SLC2A13: variants seen among roughly 807,000 people sequenced by gnomAD.
The protein encoded by SLC2A13 is solute carrier family 2 member 13.
A neutral mutation model predicts 64.4 loss-of-function variants in SLC2A13; 32 were observed. That is an observed-to-expected ratio of 0.50 (90% CI 0.37 to 0.67). The LOEUF (loss-of-function observed/expected upper bound fraction) is 0.67, where lower values mean the gene tolerates loss of function less well. Ranked by LOEUF, SLC2A13 falls within the 30% of genes least tolerant of loss-of-function variation. The pLI is 0.00. For synonymous variants in SLC2A13, 338 were observed against 327.1 expected (o/e 1.03, Z -0.36); for missense variants, 743 against 829.2 (o/e 0.90, Z 1.28).
intron 1 of SLC2A13, among the ~76,000 whole-genome samples, chr12:40,082,854 C>G (rs1938458358): frequency 6.6e-6 from 1 of 152,186 alleles, no homozygotes; most frequent in South Asian, 2.1e-4. Context: ...GCCCATTCCC[C>G]AGGAGCTGCT....
At position 40,033,157 on chromosome 12, in the gene SLC2A13, T is replaced by C. The variant is rs1050886083; in HGVS notation, c.717-4648A>G. On this transcript the variant is annotated intron_variant, in intron 2 of 9. Transcript: ENST00000280871. ...AGCAATGAGGCACAAAGAAGATACA[T>C]GGTTAGTATGCAACAGAACTACAGT... Among the ~76,000 whole-genome samples the C allele has an allele frequency of 6.6e-5, 10 of 152,312 alleles. No homozygotes were observed. The East Asian group carries it at 1.9e-3, about 29-fold the overall frequency.
Position 39,794,736 on chromosome 12 carries a change from G to A in SLC2A13, c.1446-29878C>T, listed in dbSNP as rs147406254. Reference sequence around the variant, plus strand: ...TGGCTGTGAACATATTCTGGTTCTGGGGGCTGCCTGATTTGCGAATCATTC... The same window carrying A: ...TGGCTGTGAACATATTCTGGTTCTGAGGGCTGCCTGATTTGCGAATCATTC... On this transcript the variant is annotated intron_variant, in intron 7 of 9. Transcript: ENST00000280871. Among the ~76,000 whole-genome samples the A allele has an allele frequency of 3.6e-3, 541 of 152,212 alleles. 1 individual carries two copies. Among genetic ancestry groups the A allele is most frequent in the African/African-American group, 0.013 (521 of 41,540 alleles).
chr12:39,900,212 T>A (rs1465007332), intron 4 of SLC2A13, among the ~76,000 whole-genome samples: 1 of 152,126 alleles, frequency 6.6e-6, no homozygotes, highest in Non-Finnish European at 1.5e-5. Flanking sequence ...GAGCTATCTA[T>A]GACAACCCCA....
At chr12:40,037,145 G>C (rs1334603591) in intron 2 of SLC2A13, among the ~76,000 whole-genome samples, 1 of 151,962 alleles carries the variant, frequency 6.6e-6, no homozygotes, top group Non-Finnish European at 1.5e-5. Context: ...TTTTGTTAAG[G>C]ATACCTTTTG....
At chr12:39,858,501 T>TTA (rs1159151511) in intron 6 of SLC2A13, among the ~76,000 whole-genome samples, 15 of 152,210 alleles carry the variant, frequency 9.9e-5, no homozygotes, top group Non-Finnish European at 1.9e-4. Context: ...CAGCATAATA[T>TTA]TATATTCACT....
At chr12:39,928,529 A>C (rs1005844531) in intron 4 of SLC2A13, among the ~76,000 whole-genome samples, 44 of 152,214 alleles carry the variant, frequency 2.9e-4, no homozygotes, top group Non-Finnish European at 7.3e-5. Context: ...AAGGATATTA[A>C]ATGCGTAACT....
intron 6 of SLC2A13, among the ~76,000 whole-genome samples, chr12:39,863,345 C>T (rs7310416): frequency 0.99 from 150,227 of 152,254 alleles, 74,138 homozygotes; most frequent in Middle Eastern, 1. Context: ...ATGTAAATCA[C>T]TAAAAACTTA....
chr12:40,105,465 A>T lies in SLC2A13; in HGVS notation c.344T>A (p.Leu115Gln). 1.3e-6 allele frequency: 2 copies of T among 1,563,210 alleles called. No individual in the cohort carries two copies. Among genetic ancestry groups the T allele is most frequent in the Non-Finnish European group, 1.7e-6 (2 of 1,154,504 alleles). ...CAGCAGCTCCTGCCACAGCGCGTCCAGACTGAGCTGCCGCTTGAGCAGCAG... is the reference window on the plus strand; with the variant it reads ...CAGCAGCTCCTGCCACAGCGCGTCCTGACTGAGCTGCCGCTTGAGCAGCAG... ...AMLLLKRQLS[L>Q]DALWQELLVS... The change falls in exon 1 of 10, where the codon CTG becomes CAG. Residue 115 changes from leucine (L) to glutamine (Q), a missense_variant. Coordinates refer to ENST00000280871, the MANE Select transcript of SLC2A13 (RefSeq NM_052885.4). The surrounding 1 kb of genome is among the most constrained non-coding windows in gnomAD (Gnocchi z 4.2).
At chr12:40,102,563 G>T (rs894056497) in intron 1 of SLC2A13, among the ~76,000 whole-genome samples, 2 of 152,146 alleles carry the variant, frequency 1.3e-5, no homozygotes, top group Admixed American at 6.5e-5. Context: ...ACAGGTAAAC[G>T]TGTGGAGGAA....
chr12:39,956,304 G>A (rs1946313195), intron 3 of SLC2A13, among the ~76,000 whole-genome samples: 2 of 152,148 alleles, frequency 1.3e-5, no homozygotes, highest in Admixed American at 6.5e-5. Flanking sequence ...GCCTGTGGAG[G>A]GAGGAATTAC....
intron 3 of SLC2A13, among the ~76,000 whole-genome samples, chr12:39,996,455 A>G (rs1947231871): frequency 6.6e-6 from 1 of 152,242 alleles, no homozygotes; most frequent in Non-Finnish European, 1.5e-5. Context: ...AAATTTGCAT[A>G]AGTAACGAGA....
intron 3 of SLC2A13, among the ~76,000 whole-genome samples, chr12:40,008,553 G>A (rs1192466866): frequency 6.6e-6 from 1 of 151,776 alleles, no homozygotes; most frequent in Admixed American, 6.6e-5. Context: ...GGAGCTCGCT[G>A]TGAGCAGAGG....
intron 6 of SLC2A13, among the ~76,000 whole-genome samples, chr12:39,837,579 A>G (rs1224807323): frequency 4.1e-5 from 6 of 146,382 alleles, no homozygotes; most frequent in African/African-American, 5.0e-5. Flanking sequence ...GAAAATTTTC[A>G]CAACCTACTC....
intron 3 of SLC2A13, among the ~76,000 whole-genome samples, chr12:39,975,189 C>T (rs1051380678): frequency 1.6e-4 from 24 of 152,128 alleles, no homozygotes; most frequent in Non-Finnish European, 3.1e-4. Flanking sequence ...TTCACTCAGA[C>T]AAAATGTATA....
intron 3 of SLC2A13, among the ~76,000 whole-genome samples, chr12:39,998,074 C>T (rs1947262278): frequency 6.6e-6 from 1 of 152,148 alleles, no homozygotes; most frequent in African/African-American, 2.4e-5. Context: ...TGCACACGCA[C>T]ATTTACAGCA....
At chr12:39,798,795 A>C (rs1349971475) in intron 7 of SLC2A13, among the ~76,000 whole-genome samples, 1 of 152,144 alleles carries the variant, frequency 6.6e-6, no homozygotes, top group African/African-American at 2.4e-5. Context: ...TGAAGCTCAA[A>C]ATACTTTGTA....
chr12:39,902,771 T>C (rs1026070310), intron 4 of SLC2A13, among the ~76,000 whole-genome samples: 2 of 152,146 alleles, frequency 1.3e-5, no homozygotes, highest in African/African-American at 2.4e-5. Flanking sequence ...AATAATTTTA[T>C]ATTTACATAG....
In SLC2A13 at chr12:39,760,115, C is replaced by G. The variant is rs765005909; in HGVS notation, c.1858G>C (p.Asp620His). Residue 620 changes from aspartate (D) to histidine (H), a missense_variant, in exon 10 of 10, where the codon GAT (aspartate) becomes CAT (histidine). Physicochemically the swap from Asp to His is moderately conservative, Grantham distance 81. Coordinates refer to ENST00000280871, the MANE Select transcript of SLC2A13 (RefSeq NM_052885.4). ...DNRLCTCGTS[D>H]SDEGRYIEYI... is the part of the protein sequence containing the mutation. The stretch of plus-strand genomic sequence containing the variant: ...TCAATATATCTCCCTTCATCAGAAT[C>G]TGAAGTGCCACATGTACATAGCCTG... 1 of 1,612,978 alleles carries G rather than the reference C, an allele frequency of 6.2e-7. No homozygotes were observed. Among genetic ancestry groups the G allele is most frequent in the East Asian group, 2.2e-5 (1 of 44,826 alleles).
In SLC2A13 at chr12:39,857,593, T is replaced by C. The variant is rs531615447; in HGVS notation, c.1319+7169A>G. 1.5e-4 allele frequency among the ~76,000 whole-genome samples: 23 copies of C among 152,344 alleles called. No homozygotes were observed. In the South Asian group the frequency reaches 4.8e-3, roughly 32 times the overall value. On this transcript the variant is annotated intron_variant, in intron 6 of 9. Coordinates refer to ENST00000280871, the MANE Select transcript of SLC2A13 (RefSeq NM_052885.4). Reference sequence around the variant, plus strand: ...CCATTTGTCTGTCTGTAATCAATTTTCCACTCTGCAGCCAGACTGATCTTT... The same window carrying C: ...CCATTTGTCTGTCTGTAATCAATTTCCCACTCTGCAGCCAGACTGATCTTT...
Sources: allele counts gnomAD v4.1 joint callset (sites outside exome capture counted in the v4.1 genomes callset), GRCh38; gene constraint gnomAD v4.1.1; non-coding constraint Gnocchi (gnomAD v3.1); transcripts MANE v1.5; gene names NCBI Gene and HGNC (gene_info 2026-07-23, HGNC 2026-07-21).